The following RGS7 variants were observed in gnomAD, a reference collection of about 807,000 sequenced individuals.
The protein encoded by RGS7 is regulator of G protein signaling 7.
Under a neutral mutation model 81.1 loss-of-function variants are expected in RGS7, and 27 were observed. The ratio of observed to expected loss-of-function variants is 0.33; its 90% confidence interval spans 0.25 to 0.46. The LOEUF is 0.46. Ranked by LOEUF, RGS7 falls within the 20% of genes least tolerant of loss-of-function variation. The pLI is 1.00. For synonymous variants in RGS7, 208 were observed against 207.7 expected, an observed-to-expected ratio of 1.00 and a Z score of -0.01; for missense variants, 396 against 607.4, an observed-to-expected ratio of 0.65 and a Z score of 3.66.
chr1:241,107,616 T>C (rs1396433403), intron 2 of RGS7, among the ~76,000 whole-genome samples: 1 of 152,238 alleles, frequency 6.6e-6, no homozygotes, highest in African/African-American at 2.4e-5. Flanking sequence ...AAGTGAAACC[T>C]TACCTCCACA....
chr1:241,101,545 T>G (rs559086047), intron 2 of RGS7, among the ~76,000 whole-genome samples: 1 of 151,980 alleles, frequency 6.6e-6, no homozygotes, highest in East Asian at 1.9e-4. Flanking sequence ...AAAAATGATT[T>G]TATCAGGCCT....
chr1:241,009,378 T>G (rs377700860), intron 3 of RGS7, among the ~76,000 whole-genome samples: 1 of 152,224 alleles, frequency 6.6e-6, no homozygotes, highest in Non-Finnish European at 1.5e-5. Context: ...GTTACTTACA[T>G]GACCATTCTC....
intron 2 of RGS7, among the ~76,000 whole-genome samples, chr1:241,158,021 C>T (rs968370032): frequency 7.3e-5 from 11 of 151,558 alleles, no homozygotes; most frequent in East Asian, 1.9e-4. Flanking sequence ...AGGGTTTCAC[C>T]GTGTTAGCCA....
At chr1:241,257,689 T>G (rs1428697150) in intron 2 of RGS7, among the ~76,000 whole-genome samples, 1 of 152,150 alleles carries the variant, frequency 6.6e-6, no homozygotes, top group African/African-American at 2.4e-5. Flanking sequence ...CCACCTTCTC[T>G]TTTCTCACCT....
chr1:241,023,061 GTAGAATAACAACTACAGATATAGTTGTTA>G (rs1402813239), intron 3 of RGS7, among the ~76,000 whole-genome samples: 3 of 66,920 alleles, frequency 4.5e-5, no homozygotes, highest in African/African-American at 1.8e-4. Context: ...GTAAAATTGT[GTAGAATAACAACTACAGATATAGTTGTTA>G]TAGTTAAATG....
At chr1:241,103,731 G>C (rs1049752230) in intron 2 of RGS7, among the ~76,000 whole-genome samples, 1 of 152,002 alleles carries the variant, frequency 6.6e-6, no homozygotes, top group African/African-American at 2.4e-5. Context: ...AAAATGAACT[G>C]GGCATGGTGG....
chr1:240,920,077 G>C, intron 6 of RGS7: 1 of 956,396 alleles, frequency 1.0e-6, no homozygotes, highest in Non-Finnish European at 1.7e-6. Context: ...TGAGGCAATG[G>C]CAAGAAAAGA....
intron 2 of RGS7, among the ~76,000 whole-genome samples, chr1:241,294,252 G>A (rs978990559): frequency 2.0e-5 from 3 of 151,796 alleles, no homozygotes; most frequent in African/African-American, 4.8e-5. Context: ...AGAACACATG[G>A]ACACAGGGAG....
chr1:240,792,406 T>G (rs1686152104), intron 18 of RGS7, among the ~76,000 whole-genome samples: 1 of 151,474 alleles, frequency 6.6e-6, no homozygotes, highest in Non-Finnish European at 1.5e-5. Flanking sequence ...ATCTGCTGTG[T>G]AGATGATGAT....
intron 3 of RGS7, among the ~76,000 whole-genome samples, chr1:241,001,257 T>C (rs1334538254): frequency 6.6e-6 from 1 of 152,208 alleles, no homozygotes; most frequent in Non-Finnish European, 1.5e-5. Context: ...TTAGCATCTC[T>C]TCCATCCAGT....
At position 240,886,576 on chromosome 1, in the gene RGS7, C is replaced by T. The variant is rs549051762; in HGVS notation, c.386-16457G>A. Among the ~76,000 whole-genome samples the T allele has an allele frequency of 3.6e-3, 541 of 152,286 alleles. 2 individuals are homozygous for T. Among genetic ancestry groups the T allele is most frequent in the African/African-American group, 0.011 (465 of 41,546 alleles). On this transcript the variant is annotated intron_variant, in intron 6 of 18. Transcript: ENST00000440928. Reference sequence around the variant, plus strand: ...TCCACTTGATTCCTTCCCATTCCCACTCCTCACCGCTCTCTCCCTTTCTCT... The same window carrying T: ...TCCACTTGATTCCTTCCCATTCCCATTCCTCACCGCTCTCTCCCTTTCTCT...
intron 2 of RGS7, among the ~76,000 whole-genome samples, chr1:241,332,496 G>A: frequency 6.6e-6 from 1 of 152,108 alleles, no homozygotes; most frequent in East Asian, 1.9e-4. Context: ...TGAAGATGTG[G>A]ACTCCTTCCC....
chr1:241,165,327 C>T (rs541437630), intron 2 of RGS7, among the ~76,000 whole-genome samples: 1 of 152,150 alleles, frequency 6.6e-6, no homozygotes, highest in Non-Finnish European at 1.5e-5. Flanking sequence ...TAGACACATG[C>T]ACACGTATGT....
intron 6 of RGS7, among the ~76,000 whole-genome samples, chr1:240,895,952 GTTTCCTGACTTCTTAA>G (rs1447805250): frequency 6.6e-6 from 1 of 152,170 alleles, no homozygotes; most frequent in Non-Finnish European, 1.5e-5. Context: ...AGCAACTGTT[GTTTCCTGACTTCTTAA>G]TGATCGCCAT....
intron 9 of RGS7, among the ~76,000 whole-genome samples, chr1:240,839,319 G>T (rs1695229452): frequency 6.6e-6 from 1 of 152,176 alleles, no homozygotes; most frequent in Non-Finnish European, 1.5e-5. Flanking sequence ...TTTAGCGAAT[G>T]AACCGATCAA....
intron 2 of RGS7, among the ~76,000 whole-genome samples, chr1:241,158,062 G>T (rs577872231): frequency 2.0e-5 from 3 of 151,118 alleles, no homozygotes; most frequent in African/African-American, 7.3e-5. Context: ...CTTATGATCC[G>T]CCCGCCTCAG....
chr1:241,098,940 C>T (rs1487086167), intron 2 of RGS7, among the ~76,000 whole-genome samples, 178 bp from the exon 3 acceptor site: 1 of 152,118 alleles, frequency 6.6e-6, no homozygotes, highest in Non-Finnish European at 1.5e-5. Flanking sequence ...ATGGAGGAAA[C>T]AGCAAGAAAA....
chr1:240,901,461 A>G (rs1341775720), intron 6 of RGS7, among the ~76,000 whole-genome samples: 2 of 152,238 alleles, frequency 1.3e-5, no homozygotes, highest in Non-Finnish European at 2.9e-5. Flanking sequence ...ACCCAGTCTC[A>G]GGTATTTACA....
intron 3 of RGS7, among the ~76,000 whole-genome samples, chr1:240,985,881 A>T (rs1685582243): frequency 6.6e-6 from 1 of 152,006 alleles, no homozygotes; most frequent in African/African-American, 2.4e-5. Context: ...TCAAATTTAA[A>T]ATGGAGCATT....
Sources: gnomAD v4.1 joint callset for allele counts (sites outside exome capture counted in the v4.1 genomes callset) on GRCh38, gnomAD v4.1.1 for gene constraint, MANE v1.5 for transcripts, NCBI Gene and HGNC (gene_info 2026-07-23, HGNC 2026-07-21) for gene names.